UNC13B: variants seen among roughly 807,000 people sequenced by gnomAD.
UNC13B encodes unc-13 homolog B.
UNC13B carries 144 observed loss-of-function variants against 211.0 expected under a neutral mutation model. That is an observed-to-expected ratio of 0.68 (90% CI 0.60 to 0.78). The LOEUF is 0.78. Among genes scored for constraint, UNC13B ranks in the 30% least tolerant of loss-of-function variants. The pLI is 0.00. For synonymous variants in UNC13B, 709 were observed against 725.8 expected (o/e 0.98, Z 0.37); for missense variants, 1,777 against 2,002.0 (o/e 0.89, Z 2.14).
chr9:35,175,759 G>A (rs1258054950), intron 1 of UNC13B, among the ~76,000 whole-genome samples: 1 of 151,822 alleles, frequency 6.6e-6, no homozygotes, highest in Non-Finnish European at 1.5e-5. Flanking sequence ...GCTCACGCCT[G>A]TAATCCCAGC....
At chr9:35,181,205 A>G (rs1821920773) in intron 1 of UNC13B, among the ~76,000 whole-genome samples, 2 of 152,142 alleles carry the variant, frequency 1.3e-5, no homozygotes, top group Admixed American at 6.5e-5. Flanking sequence ...TAGTGCCTTG[A>G]TAGGGACCCT....
At chr9:35,211,212 A>G (rs1239787899) in intron 1 of UNC13B, among the ~76,000 whole-genome samples, 2 of 152,222 alleles carry the variant, frequency 1.3e-5, no homozygotes, top group South Asian at 2.1e-4. Context: ...TCTTCCTCTC[A>G]GTTGTCCTTG....
chr9:35,320,206 G>A (rs1017701949), intron 11 of UNC13B, among the ~76,000 whole-genome samples: 1 of 152,060 alleles, frequency 6.6e-6, no homozygotes, highest in African/African-American at 2.4e-5. Flanking sequence ...ATATATGAGG[G>A]TATGTGTTTT....
Position 35,321,659 on chromosome 9 carries a change from T to A in UNC13B, c.9414+7670T>A, listed in dbSNP as rs140112956. On this transcript the variant is annotated intron_variant, in intron 11 of 39. Coordinates refer to ENST00000635942, the MANE Select transcript of UNC13B (RefSeq NM_001371189.2). Reference sequence around the variant, plus strand: ...GTTTTTAAATTTAAATTTTATTTTTTATTTTTAATTTTATTTTTTAAAATA... The same window carrying A: ...GTTTTTAAATTTAAATTTTATTTTTAATTTTTAATTTTATTTTTTAAAATA... 1.3e-3 allele frequency among the ~76,000 whole-genome samples: 203 copies of A among 152,194 alleles called. 1 individual carries two copies. The highest frequency in any genetic ancestry group is 2.4e-3 in the Non-Finnish European group (166 of 67,996).
intron 6 of UNC13B, among the ~76,000 whole-genome samples, chr9:35,252,028 C>G (rs550477930): frequency 6.6e-6 from 1 of 152,134 alleles, no homozygotes; most frequent in Non-Finnish European, 1.5e-5. Flanking sequence ...TTCACTTTCC[C>G]TCATCTGTTT....
At chr9:35,255,012 AATATATGTAT>A (rs1238439629) in intron 6 of UNC13B, among the ~76,000 whole-genome samples, 1 of 116,724 alleles carries the variant, frequency 8.6e-6, no homozygotes, top group Non-Finnish European at 1.7e-5. Flanking sequence ...ATTATATATT[AATATATGTAT>A]ATATAATATA....
chr9:35,172,771 T>C (rs1389675373), intron 1 of UNC13B, among the ~76,000 whole-genome samples: 1 of 152,224 alleles, frequency 6.6e-6, no homozygotes, highest in Non-Finnish European at 1.5e-5. Flanking sequence ...TGAAATCTTT[T>C]TTTTTTGTGC....
At chr9:35,183,738 G>A (rs1302445762) in intron 1 of UNC13B, among the ~76,000 whole-genome samples, 17 of 125,932 alleles carry the variant, frequency 1.3e-4, no homozygotes, top group East Asian at 2.7e-4. Flanking sequence ...CGGGGCAGCC[G>A]GGCAGAGGCG....
At chr9:35,263,992 CAAG>C (rs1347626471) in intron 7 of UNC13B, among the ~76,000 whole-genome samples, 8 of 152,214 alleles carry the variant, frequency 5.3e-5, no homozygotes, top group Admixed American at 3.9e-4. Flanking sequence ...TAAGGCAATC[CAAG>C]AAGACTACTG....
At chr9:35,344,247 C>CA (rs999265934) in intron 11 of UNC13B, among the ~76,000 whole-genome samples, 3 of 152,162 alleles carry the variant, frequency 2.0e-5, no homozygotes, top group African/African-American at 7.2e-5. Flanking sequence ...GCCATGCCCC[C>CA]ACACTCTTTT....
In UNC13B at chr9:35,404,182, TA is replaced by T. The variant is rs1836537391; in HGVS notation, c.*151del. On this transcript the variant is annotated 3_prime_UTR_variant, in exon 40 of 40. Coordinates refer to ENST00000635942, the MANE Select transcript of UNC13B (RefSeq NM_001371189.2). Reference sequence around the variant, plus strand: ...TTTAAGGAAAAATTTGGGGTGGTGATAATATGGCTTTTCACAGAAAGGGTCA... The same window carrying T: ...TTTAAGGAAAAATTTGGGGTGGTGATATATGGCTTTTCACAGAAAGGGTCA... 2.8e-6 allele frequency: 3 copies of T among 1,070,894 alleles called. No individual in the cohort carries two copies. The highest frequency in any genetic ancestry group is 5.2e-5 in the East Asian group (2 of 38,388). 66.3% of individuals were successfully genotyped at this position (1,070,894 alleles called of 1,614,324 possible). A position where few individuals can be genotyped will look rare whatever the true frequency, so the allele number is the denominator to read the frequency against.
chr9:35,235,656 C>T (rs750738304), intron 3 of UNC13B, among the ~76,000 whole-genome samples: 2 of 152,176 alleles, frequency 1.3e-5, no homozygotes, highest in African/African-American at 2.4e-5. Flanking sequence ...CCAAGCTGGT[C>T]TCAAACTCCT....
Position 35,232,119 on chromosome 9 carries a change from T to A in UNC13B, c.152+900T>A, listed in dbSNP as rs567949277. On this transcript the variant is annotated intron_variant, in intron 3 of 39. Transcript: ENST00000635942. Reference sequence around the variant, plus strand: ...AGTGCAGCTCAGAGGGACATAGGGATGGTTATTATTTTTAAGGGGAGACAT... The same window carrying A: ...AGTGCAGCTCAGAGGGACATAGGGAAGGTTATTATTTTTAAGGGGAGACAT... Among the ~76,000 whole-genome samples the A allele has an allele frequency of 2.7e-5, 4 of 147,480 alleles. No individual in the cohort carries two copies. The South Asian group carries it at 8.8e-4, about 32-fold the overall frequency.
intron 7 of UNC13B, among the ~76,000 whole-genome samples, chr9:35,272,871 G>A (rs950577409): frequency 1.1e-4 from 17 of 151,966 alleles, no homozygotes; most frequent in African/African-American, 3.4e-4. Flanking sequence ...ACTACTTACC[G>A]TGTCTGAAAC....
chr9:35,181,670 T>C (rs1213063110), intron 1 of UNC13B, among the ~76,000 whole-genome samples: 10 of 151,836 alleles, frequency 6.6e-5, no homozygotes, highest in Non-Finnish European at 1.0e-4. Flanking sequence ...AACCCTGTCT[T>C]TACTAAAAAT....
At chr9:35,365,876 T>C (rs1833739903) in intron 11 of UNC13B, among the ~76,000 whole-genome samples, 1 of 152,194 alleles carries the variant, frequency 6.6e-6, no homozygotes, top group South Asian at 2.1e-4. Flanking sequence ...AAATCCAAAA[T>C]TCATGTGAGC....
intron 7 of UNC13B, among the ~76,000 whole-genome samples, chr9:35,281,021 G>A (rs576271145): frequency 4.6e-5 from 7 of 152,126 alleles, no homozygotes; most frequent in Non-Finnish European, 7.4e-5. Context: ...AGGCTGAGGC[G>A]GGTGGATCAC....
Position 35,300,778 on chromosome 9 carries a change from A to G in UNC13B, c.1374A>G (p.Thr458=), listed in dbSNP as rs776436958. 6.0e-5 allele frequency: 24 copies of G among 398,842 alleles called. No homozygotes were observed. Among genetic ancestry groups the G allele is most frequent in the Non-Finnish European group, 8.8e-5 (20 of 226,068 alleles). The allele number at this position is 398,842 out of a possible 1,614,324, so 24.7% of individuals were successfully genotyped here. Residue 458 remains threonine, a synonymous_variant, in exon 9 of 40, where the codon ACA becomes ACG. Coordinates refer to ENST00000635942, the MANE Select transcript of UNC13B (RefSeq NM_001371189.2). The part of the protein sequence containing the change: ...IEEPKEDRID[T]MDELQCLVET... ...AGCCCAAGGAGGACCGTATTGATACAATGGATGAGCTTCAGTGTTTGGTAG... is the reference window on the plus strand; with the variant it reads ...AGCCCAAGGAGGACCGTATTGATACGATGGATGAGCTTCAGTGTTTGGTAG...
At chr9:35,167,754 A>ATTTTTTTTTTT (rs765603183) in intron 1 of UNC13B, among the ~76,000 whole-genome samples, 2 of 115,680 alleles carry the variant, frequency 1.7e-5, no homozygotes, top group Non-Finnish European at 3.5e-5. Flanking sequence ...TGCCTGGCTA[A>ATTTTTTTTTTT]TTTTTTTTTT....
Sources: gnomAD v4.1 joint callset for allele counts (sites outside exome capture counted in the v4.1 genomes callset) on GRCh38, gnomAD v4.1.1 for gene constraint, MANE v1.5 for transcripts, NCBI Gene and HGNC (gene_info 2026-07-23, HGNC 2026-07-21) for gene names.